Variants in CLTCL1 observed in about 807,000 individuals in gnomAD.
CLTCL1 encodes clathrin heavy chain 2.
In CLTCL1, 159 loss-of-function variants were observed where a neutral mutation model predicts 190.0. The observed-to-expected ratio is 0.84, with a 90% CI of 0.74 to 0.95. CLTCL1 has a LOEUF of 0.95. Ranked by LOEUF, CLTCL1 falls within the 40% of genes least tolerant of loss-of-function variation. CLTCL1 has a pLI of 0.00. For missense variants in CLTCL1, 1,878 were observed against 2,033.4 expected (o/e 0.92, Z 1.47); for synonymous variants, 752 against 769.6 (o/e 0.98, Z 0.38).
Position 19,244,144 on chromosome 22 carries a change from T to C in CLTCL1, c.520-1208A>G, listed in dbSNP as rs565570572. On this transcript the variant is annotated intron_variant, in intron 3 of 32. Transcript: ENST00000427926. ...CCTCTCTGCTGAGTGAGCTCACATA[T>C]AGTCGTGGGTAAAATCCTCAGTCTA... is the stretch of plus-strand genomic sequence containing the variant. Among the ~76,000 whole-genome samples, 6 of 152,308 alleles carry C rather than the reference T, an allele frequency of 3.9e-5. No homozygotes were observed. The East Asian group carries it at 1.2e-3, about 29-fold the overall frequency.
chr22:19,208,907 AG>A lies in CLTCL1; in HGVS notation c.3442+14del. On this transcript the variant is annotated intron_variant, in intron 21 of 32. Transcript: ENST00000427926. Reference sequence around the variant, plus strand: ...CAGTGAGATGCAGAGCCCTAGGGAGAGGGGACTCACTTACTGCTCCTGCTGG... The same window carrying A: ...CAGTGAGATGCAGAGCCCTAGGGAGAGGGACTCACTTACTGCTCCTGCTGG... 3 of 1,589,878 alleles carry A rather than the reference AG, an allele frequency of 1.9e-6. No individual in the cohort carries two copies. The highest frequency in any genetic ancestry group is 2.6e-6 in the Non-Finnish European group (3 of 1,166,990).
Position 19,233,184 on chromosome 22 carries a change from A to T in CLTCL1, c.1503T>A (p.Ile501=), listed in dbSNP as rs782758694. Reference sequence around the variant, plus strand: ...ACGTTACCTTTTTGGCATAGAGCACAATTTTCTGGAATTGGCCTGTTTCTG... The same window carrying T: ...ACGTTACCTTTTTGGCATAGAGCACTATTTTCTGGAATTGGCCTGTTTCTG... The part of the protein sequence containing the change: ...CFAETGQFQK[I]VLYAKKVGYT... The change falls in exon 9 of 33, where the codon ATT becomes ATA. Residue 501 remains isoleucine (I), a synonymous_variant. Coordinates refer to ENST00000427926, the MANE Select transcript of CLTCL1 (RefSeq NM_007098.4). The T allele has an allele frequency of 3.1e-6, 5 of 1,613,520 alleles. No homozygotes were observed. The highest frequency in any genetic ancestry group is 4.2e-6 in the Non-Finnish European group (5 of 1,179,574).
rs1184042958 is a variant in CLTCL1, at chr22:19,217,053, G to A, written c.2920-797C>T. ...GAACTTTCACCTAGCAATCTTGAGG[G>A]GCCTTAAAGGAACCTAGGGTCAAGG... On this transcript the variant is annotated intron_variant, in intron 18 of 32. Coordinates refer to ENST00000427926, the MANE Select transcript of CLTCL1 (RefSeq NM_007098.4). Among the ~76,000 whole-genome samples, 4 of 152,222 alleles carry A rather than the reference G, an allele frequency of 2.6e-5. No individual in the cohort carries two copies. The South Asian group carries it at 6.2e-4, about 24-fold the overall frequency.
At chr22:19,226,787 G>C (rs1416764519) in intron 11 of CLTCL1, among the ~76,000 whole-genome samples, 3 of 151,898 alleles carry the variant, frequency 2.0e-5, no homozygotes, top group Non-Finnish European at 4.4e-5. Flanking sequence ...ACTCAGGCTG[G>C]AATGCAGTGG....
Position 19,253,994 on chromosome 22 carries a change from G to T in CLTCL1, c.484C>A (p.Gln162Lys). 6.2e-7 allele frequency: 1 copy of T among 1,613,272 alleles called. No homozygotes were observed. Among genetic ancestry groups the T allele is most frequent in the Non-Finnish European group, 8.5e-7 (1 of 1,179,606 alleles). ...ATGCCTACGAGCAGCAGCCACTTCT[G>T]GTACTCATCAGTCCGGTAGTGAATC... The part of the protein sequence containing the change: ...QVIHYRTDEY[Q>K]KWLLLVGISA... The change falls in exon 3 of 33, where the codon CAG (glutamine) becomes AAG (lysine). Residue 162 changes from glutamine (Q) to lysine (K), a missense_variant. Transcript: ENST00000427926.
Position 19,229,967 on chromosome 22 carries a change from G to A in CLTCL1, c.1653C>T (p.Asp551=). ...GAATTAAACTGTTTTCCATGAAAAT[G>A]TCCACAATCTGAAACATATCCAAGC... ...EPLANISQIV[D]IFMENSLIQQ... Residue 551 remains aspartate (D), a synonymous_variant, in exon 11 of 33, where the codon GAC becomes GAT. Transcript: ENST00000427926. The A allele has an allele frequency of 6.2e-7, 1 of 1,605,922 alleles. No homozygotes were observed. The highest frequency in any genetic ancestry group is 8.5e-7 in the Non-Finnish European group (1 of 1,176,554).
intron 29 of CLTCL1, among the ~76,000 whole-genome samples, chr22:19,187,013 C>T (rs986130663): frequency 7.3e-5 from 11 of 151,478 alleles, no homozygotes; most frequent in Non-Finnish European, 1.3e-4. Flanking sequence ...CTCACTGCAG[C>T]CTCTGACTCC....
chr22:19,221,186 G>A (rs1555952039), intron 17 of CLTCL1, among the ~76,000 whole-genome samples, 191 bp downstream of exon 17: 1 of 152,220 alleles, frequency 6.6e-6, no homozygotes, highest in African/African-American at 2.4e-5. Flanking sequence ...GGACCAACTG[G>A]TCTACAGGTA....
chr22:19,199,938 A>G, intron 23 of CLTCL1, 97 bp from the exon 24 acceptor site: 1 of 699,124 alleles, frequency 1.4e-6, no homozygotes, highest in Non-Finnish European at 2.4e-6. Context: ...CAGAAATACC[A>G]GCAGTGGGGT....
At chr22:19,262,746 C>A (rs1301444326) in intron 2 of CLTCL1, among the ~76,000 whole-genome samples, 2 of 151,030 alleles carry the variant, frequency 1.3e-5, no homozygotes, top group East Asian at 2.0e-4. Context: ...GTTTACAACT[C>A]GCAGCTGGGT....
At chr22:19,195,733 G>A (rs116147734) in intron 26 of CLTCL1, among the ~76,000 whole-genome samples, 439 of 152,200 alleles carry the variant, frequency 2.9e-3, no homozygotes, top group African/African-American at 0.01. Flanking sequence ...ACCCAAACCC[G>A]ACACCACCCA....
intron 29 of CLTCL1, among the ~76,000 whole-genome samples, chr22:19,186,447 GATACTAAGAA>G (rs1472069992): frequency 6.6e-6 from 1 of 152,088 alleles, no homozygotes; most frequent in Non-Finnish European, 1.5e-5. Context: ...GTCTGAGAAT[GATACTAAGAA>G]ACCTCTCACC....
chr22:19,285,274 T>TA (rs1223526589), intron 1 of CLTCL1, among the ~76,000 whole-genome samples: 16 of 150,874 alleles, frequency 1.1e-4, no homozygotes, highest in South Asian at 4.2e-4. Context: ...GACTCCATCT[T>TA]AAAAAAAAGA....
Position 19,201,494 on chromosome 22 carries a change from C to G in CLTCL1, c.3601-1G>C. The G allele has an allele frequency of 6.2e-7, 1 of 1,610,992 alleles. No individual in the cohort carries two copies. The highest frequency in any genetic ancestry group is 1.1e-5 in the South Asian group (1 of 90,984). ...CCTCCTCGTAACAGCGGTCTCCAAC[C>G]TACGGATAATAGGGTAGCTCGACTG... is the stretch of plus-strand genomic sequence containing the variant. On this transcript the variant is annotated splice_acceptor_variant, in intron 22 of 32. Coordinates refer to ENST00000427926, the MANE Select transcript of CLTCL1 (RefSeq NM_007098.4). LOFTEE classifies it high-confidence loss of function.
chr22:19,224,167 C>A, intron 13 of CLTCL1, 113 bp from the exon 14 acceptor site: 2 of 1,014,712 alleles, frequency 2.0e-6, no homozygotes, highest in South Asian at 3.1e-5. Flanking sequence ...ACCCACAGCA[C>A]ACTCAGAACT....
chr22:19,183,194 C>A, intron 30 of CLTCL1, 196 bp downstream of exon 30: 1 of 575,008 alleles, frequency 1.7e-6, no homozygotes, highest in Non-Finnish European at 3.1e-6. Flanking sequence ...TGATGATTTT[C>A]TGGAGGGGCT....
intron 20 of CLTCL1, among the ~76,000 whole-genome samples, chr22:19,210,047 G>A (rs904619456): frequency 7.9e-5 from 12 of 152,142 alleles, no homozygotes; most frequent in Non-Finnish European, 1.5e-4. Flanking sequence ...TGGGCTGACC[G>A]ATGACATTGG....
At position 19,188,110 on chromosome 22, in the gene CLTCL1, C is replaced by A; in HGVS notation, c.4324-19G>T. ...GACCTGCCTGACAAGTTGAGGGAACCGTCAAGGCACTTGGCCAAGCTTGTT... is the reference window on the plus strand; with the variant it reads ...GACCTGCCTGACAAGTTGAGGGAACAGTCAAGGCACTTGGCCAAGCTTGTT... On this transcript the variant is annotated intron_variant, in intron 27 of 32. Transcript: ENST00000427926. 1 of 1,611,680 alleles carries A rather than the reference C, an allele frequency of 6.2e-7. No homozygotes were observed. Among genetic ancestry groups the A allele is most frequent in the South Asian group, 1.1e-5 (1 of 90,984 alleles).
chr22:19,198,687 C>G lies in CLTCL1; in HGVS notation c.3873+1047G>C, dbSNP rs2084785392. On this transcript the variant is annotated intron_variant, in intron 24 of 32. Coordinates refer to ENST00000427926, the MANE Select transcript of CLTCL1 (RefSeq NM_007098.4). This position sits in a 1 kb window ranked among gnomAD's most constrained non-coding sequence, Gnocchi z 4.1. ...CTTTATGAAACTCCATCCAGGCACT[C>G]CTATGCCCTCAAACCGGCTCCATTT... Among the ~76,000 whole-genome samples, 1 of 152,184 alleles carries G rather than the reference C, an allele frequency of 6.6e-6. No homozygotes were observed. The highest frequency in any genetic ancestry group is 2.4e-5 in the African/African-American group (1 of 41,432).
Sources: gnomAD v4.1 joint callset for allele counts (sites outside exome capture counted in the v4.1 genomes callset) on GRCh38, gnomAD v4.1.1 for gene constraint, Gnocchi (gnomAD v3.1) non-coding constraint, MANE v1.5 for transcripts, NCBI Gene and HGNC (gene_info 2026-07-23, HGNC 2026-07-21) for gene names.